SMPD3: variants seen among roughly 807,000 people sequenced by gnomAD.
SMPD3 encodes the protein sphingomyelin phosphodiesterase 3.
SMPD3 carries 21 observed loss-of-function variants against 55.7 expected under a neutral mutation model. That is an observed-to-expected ratio of 0.38 (90% confidence interval 0.27 to 0.54). The LOEUF is 0.54. Among genes scored for constraint, SMPD3 ranks in the 20% least tolerant of loss-of-function variants. SMPD3 has a pLI of 0.80. For missense variants in SMPD3, 842 were observed against 899.6 expected, an observed-to-expected ratio of 0.94 and a Z score of 0.82; for synonymous variants, 457 against 404.3, an observed-to-expected ratio of 1.13 and a Z score of -1.56.
At chr16:68,369,566 C>G (rs902096618) in intron 3 of SMPD3, 1 of 152,220 alleles carries the variant, frequency 6.6e-6, no homozygotes, top group Non-Finnish European at 1.5e-5. Context: ...CCCCTTCCTC[C>G]CCAGAAAGTC....
Position 68,427,758 on chromosome 16 carries a change from G to GC in SMPD3, c.-269+20594_-269+20595insG, listed in dbSNP as rs200752768. On this transcript the variant is annotated intron_variant, in intron 1 of 8. Coordinates refer to ENST00000219334, the MANE Select transcript of SMPD3 (RefSeq NM_018667.4). ...ATGGGGAGTTAAAAATGACTGGGGGGGGGTGCTGATGCATTGTGAGCAGTC... is the reference window on the plus strand; with the variant it reads ...ATGGGGAGTTAAAAATGACTGGGGGGCGGGTGCTGATGCATTGTGAGCAGTC... 2.3e-3 allele frequency among the ~76,000 whole-genome samples: 350 copies of GC among 151,930 alleles called. 1 individual carries two copies. The highest frequency in any genetic ancestry group is 7.6e-3 in the African/African-American group (315 of 41,456).
In SMPD3 at chr16:68,370,902, C is replaced by T. The variant is rs778492516; in HGVS notation, c.1280G>A (p.Cys427Tyr). The T allele has an allele frequency of 9.9e-6, 16 of 1,614,124 alleles. No individual in the cohort carries two copies. In the Middle Eastern group the frequency reaches 4.9e-4, roughly 50 times the overall value. Residue 427 changes from cysteine to tyrosine, a missense_variant, in exon 3 of 9, where the codon TGT (cysteine) becomes TAT (tyrosine). Physicochemically the swap from Cys to Tyr is radical, Grantham distance 194 (BLOSUM62 -2). Transcript: ENST00000219334. Reference sequence around the variant, plus strand: ...CTTAGAGGCCAGGGCATCGTCGTTACACTTGTTGGGGTAACAGTGATAGGC... The same window carrying T: ...CTTAGAGGCCAGGGCATCGTCGTTATACTTGTTGGGGTAACAGTGATAGGC... ...DVAYHCYPNK[C>Y]NDDALASKGA...
chr16:68,447,446 A>C lies in SMPD3; in HGVS notation c.-269+907T>G, dbSNP rs2090619123. 6.6e-6 allele frequency among the ~76,000 whole-genome samples: 1 copy of C among 152,030 alleles called. No homozygotes were observed. The highest frequency in any genetic ancestry group is 1.5e-5 in the Non-Finnish European group (1 of 67,972). On this transcript the variant is annotated intron_variant, in intron 1 of 8. Transcript: ENST00000219334. This position sits in a 1 kb window ranked among gnomAD's most constrained non-coding sequence, Gnocchi z 5.1. ...TGGTGGGCTAGGGCGGGTCGTCTCG[A>C]CTTAGAGCCCCAGGCCTGGATCCAG...
intron 1 of SMPD3, among the ~76,000 whole-genome samples, chr16:68,419,364 ACCTT>A (rs1353409659): frequency 3.9e-5 from 6 of 152,194 alleles, no homozygotes; most frequent in Non-Finnish European, 7.3e-5. Context: ...GGTCTCTGGA[ACCTT>A]CCTTTGGGGG....
At position 68,371,905 on chromosome 16, in the gene SMPD3, G is replaced by T; in HGVS notation, c.277C>A (p.Arg93=). The change falls in exon 3 of 9, where the codon CGG becomes AGG. Residue 93 remains arginine (R), a synonymous_variant. Coordinates refer to ENST00000219334, the MANE Select transcript of SMPD3 (RefSeq NM_018667.4). ...TCCAGCCGTGAATAGATGTAGGGCC[G>T]GCGGGCCGACTGCAGTGGGGACCAG... ...LFWSPLQSAR[R]PYIYSRLEDK... is the part of the protein sequence containing the mutation. 2 of 1,610,724 alleles carry T rather than the reference G, an allele frequency of 1.2e-6. No individual in the cohort carries two copies. The highest frequency in any genetic ancestry group is 1.7e-6 in the Non-Finnish European group (2 of 1,179,350).
chr16:68,378,468 C>T (rs1041324366), intron 2 of SMPD3, among the ~76,000 whole-genome samples: 5 of 152,164 alleles, frequency 3.3e-5, no homozygotes, highest in Non-Finnish European at 5.9e-5. Context: ...GCTGTGGCAG[C>T]GGCTCCTACA....
intron 1 of SMPD3, among the ~76,000 whole-genome samples, chr16:68,390,251 T>G (rs1021078518): frequency 6.6e-6 from 1 of 152,260 alleles, no homozygotes; most frequent in African/African-American, 2.4e-5. Flanking sequence ...GTTGTTTTGT[T>G]CACCATCTTG....
chr16:68,372,420 G>A, intron 2 of SMPD3, 33 bp from the exon 3 acceptor site: 3 of 574,812 alleles, frequency 5.2e-6, no homozygotes, highest in Non-Finnish European at 9.3e-6. Flanking sequence ...ACTGTTTTTA[G>A]TGATCTTCAG....
intron 1 of SMPD3, among the ~76,000 whole-genome samples, chr16:68,418,840 G>T (rs1703662174): frequency 6.6e-6 from 1 of 152,186 alleles, no homozygotes; most frequent in Non-Finnish European, 1.5e-5. Context: ...TCTAAAGATG[G>T]GTCTGGACTT....
At chr16:68,418,262 A>G (rs900312981) in intron 1 of SMPD3, among the ~76,000 whole-genome samples, 8 of 151,812 alleles carry the variant, frequency 5.3e-5, no homozygotes, top group African/African-American at 1.7e-4. Context: ...CACCGAGTTC[A>G]TCCAGGCAGG....
intron 2 of SMPD3, chr16:68,382,016 C>T (rs2089961268): frequency 6.6e-6 from 1 of 152,228 alleles, no homozygotes. Flanking sequence ...CTCACCTCCT[C>T]AGTGTGGCCT....
intron 1 of SMPD3, among the ~76,000 whole-genome samples, 184 bp from the exon 2 acceptor site, chr16:68,386,843 GA>G (rs1401154999): frequency 6.6e-6 from 1 of 152,248 alleles, no homozygotes; most frequent in Non-Finnish European, 1.5e-5. Flanking sequence ...AGTTCCAGTG[GA>G]CGAAGTGCAG....
chr16:68,428,337 G>A (rs1297152977), intron 1 of SMPD3, among the ~76,000 whole-genome samples: 1 of 152,180 alleles, frequency 6.6e-6, no homozygotes, highest in Non-Finnish European at 1.5e-5. Context: ...CAGAGGCAAC[G>A]CTTTGAACAG....
chr16:68,380,124 C>A (rs2096716132), intron 2 of SMPD3, among the ~76,000 whole-genome samples: 1 of 152,154 alleles, frequency 6.6e-6, no homozygotes, highest in Admixed American at 6.5e-5. Context: ...AGGGTGCCAG[C>A]AAGGAGAAGG....
At chr16:68,389,979 C>T (rs1012771102) in intron 1 of SMPD3, among the ~76,000 whole-genome samples, 2 of 152,140 alleles carry the variant, frequency 1.3e-5, no homozygotes, top group African/African-American at 4.8e-5. Context: ...ACAGAGCAGC[C>T]CAGAGGGTGC....
rs1035655463 is a variant in SMPD3, at chr16:68,371,853, G to C, written c.329C>G (p.Ala110Gly). 2 of 1,605,966 alleles carry C rather than the reference G, an allele frequency of 1.2e-6. No homozygotes were observed. The highest frequency in any genetic ancestry group is 2.7e-5 in the African/African-American group (2 of 74,908). Residue 110 changes from alanine (A) to glycine (G), a missense_variant, in exon 3 of 9, where the codon GCC (alanine) becomes GGC (glycine). Transcript: ENST00000219334. ...CGTGCCCTTCCATTCACTGAGCAGG[G>C]CTGCCCCACCGGCCAGGCCCTTGTC... ...LEDKGLAGGA[A>G]LLSEWKGTGP...
intron 1 of SMPD3, among the ~76,000 whole-genome samples, chr16:68,432,679 G>A (rs1225152822): frequency 6.6e-6 from 1 of 152,202 alleles, no homozygotes; most frequent in East Asian, 1.9e-4. Context: ...AAATCTCAGT[G>A]GGGGTGCAGA....
At position 68,364,698 on chromosome 16, in the gene SMPD3, G is replaced by T. The variant is rs1363319517; in HGVS notation, c.1555+53C>A. 6 of 1,564,416 alleles carry T rather than the reference G, an allele frequency of 3.8e-6. No homozygotes were observed. The East Asian group carries it at 1.1e-4, about 29-fold the overall frequency. On this transcript the variant is annotated intron_variant, in intron 5 of 8. Coordinates refer to ENST00000219334, the MANE Select transcript of SMPD3 (RefSeq NM_018667.4). ...ACGAAGTCTGTCTAGCTGTGACTGA[G>T]CCCACAGCCTCCCCAGAGCTGGAGA...
chr16:68,412,827 G>A (rs1012422359), intron 1 of SMPD3, among the ~76,000 whole-genome samples: 1 of 152,176 alleles, frequency 6.6e-6, no homozygotes, highest in African/African-American at 2.4e-5. Context: ...AGGAAGGCAG[G>A]GTAGTGTATG....
Sources: gnomAD v4.1 joint callset for allele counts (sites outside exome capture counted in the v4.1 genomes callset) on GRCh38, gnomAD v4.1.1 for gene constraint, Gnocchi (gnomAD v3.1) non-coding constraint, MANE v1.5 for transcripts, NCBI Gene and HGNC (gene_info 2026-07-23, HGNC 2026-07-21) for gene names.